The following AGBL1 variants were observed in gnomAD, a reference collection of about 807,000 sequenced individuals.
AGBL1 encodes the protein cytosolic carboxypeptidase 4.
AGBL1 carries 130 observed loss-of-function variants against 118.9 expected under a neutral mutation model. That is an observed-to-expected ratio of 1.09 (90% CI 0.95 to 1.26). The LOEUF is 1.26. AGBL1 is among the 50% of genes most tolerant of loss of function. The pLI is 0.00. For synonymous variants in AGBL1, 555 were observed against 478.9 expected (o/e 1.16, Z -2.08); for missense variants, 1,584 against 1,298.1 (o/e 1.22, Z -3.38).
chr15:86,253,995 T>A (rs1007107391), intron 7 of AGBL1, among the ~76,000 whole-genome samples: 4 of 151,876 alleles, frequency 2.6e-5, no homozygotes, highest in Non-Finnish European at 5.9e-5. Flanking sequence ...GGAATTAGAG[T>A]GTTGATAGGA....
rs1426314399 is a variant in AGBL1, at chr15:86,879,303, TG to T, written c.3159-27780del. Among the ~76,000 whole-genome samples the T allele has an allele frequency of 7.2e-5, 11 of 152,190 alleles. No individual in the cohort carries two copies. In the East Asian group the frequency reaches 1.4e-3, roughly 19 times the overall value. On this transcript the variant is annotated intron_variant, in intron 22 of 22. Coordinates refer to ENST00000614907, the MANE Select transcript of AGBL1 (RefSeq NM_001386094.1). ...GTAAGTGTCTGACTTCACAAGCCCC[TG>T]GGGCAGCAGCTCCTCTGATGGTTAT... is the stretch of plus-strand genomic sequence containing the variant.
intron 17 of AGBL1, among the ~76,000 whole-genome samples, chr15:86,336,668 A>T (rs187111402): frequency 5.3e-5 from 8 of 152,322 alleles, no homozygotes; most frequent in African/African-American, 1.7e-4. Flanking sequence ...CATAATTTAT[A>T]CCAAGATGGG....
intron 17 of AGBL1, among the ~76,000 whole-genome samples, chr15:86,365,042 T>TATAC (rs564321350): frequency 0.014 from 1,608 of 112,408 alleles, 74 homozygotes; most frequent in African/African-American, 0.054. Flanking sequence ...CACATATATA[T>TATAC]ACACACATAT....
intron 22 of AGBL1, among the ~76,000 whole-genome samples, chr15:86,838,447 G>A (rs191142081): frequency 6.6e-6 from 1 of 152,070 alleles, no homozygotes; most frequent in African/African-American, 2.4e-5. Context: ...TCGTATTTCT[G>A]CTGCTGCAAG....
At chr15:86,676,662 T>A (rs1364988562) in intron 22 of AGBL1, among the ~76,000 whole-genome samples, 1 of 152,158 alleles carries the variant, frequency 6.6e-6, no homozygotes, top group African/African-American at 2.4e-5. Flanking sequence ...AGAGGAGACC[T>A]CTACCACCCT....
intron 16 of AGBL1, among the ~76,000 whole-genome samples, chr15:86,293,691 T>A (rs1162280865): frequency 6.6e-6 from 1 of 152,228 alleles, no homozygotes; most frequent in Non-Finnish European, 1.5e-5. Context: ...ATATCTGTAG[T>A]AAGTTATTTC....
intron 18 of AGBL1, among the ~76,000 whole-genome samples, chr15:86,474,262 C>T (rs773015512): frequency 1.6e-4 from 24 of 152,222 alleles, no homozygotes; most frequent in South Asian, 8.3e-4. Context: ...GAGTGTCAGC[C>T]GAAGAAGGGC....
intron 17 of AGBL1, among the ~76,000 whole-genome samples, chr15:86,349,850 C>T (rs983950727): frequency 6.6e-6 from 1 of 152,152 alleles, no homozygotes; most frequent in African/African-American, 2.4e-5. Context: ...GAAAGAGAAG[C>T]GTTCAATTTA....
At chr15:86,843,465 G>C (rs1206811712) in intron 22 of AGBL1, among the ~76,000 whole-genome samples, 1 of 152,132 alleles carries the variant, frequency 6.6e-6, no homozygotes, top group Non-Finnish European at 1.5e-5. Context: ...TTTGGGGTAA[G>C]GCTATTTAAT....
chr15:86,194,273 C>T (rs1021714856), intron 5 of AGBL1, among the ~76,000 whole-genome samples: 1 of 152,190 alleles, frequency 6.6e-6, no homozygotes, highest in Non-Finnish European at 1.5e-5. Context: ...CCTTAATCAT[C>T]TTCCTCAGTG....
intron 5 of AGBL1, among the ~76,000 whole-genome samples, chr15:86,182,823 A>C (rs2077572270): frequency 6.6e-6 from 1 of 152,178 alleles, no homozygotes; most frequent in South Asian, 2.1e-4. Flanking sequence ...AGCAAAAGGA[A>C]ACCCTAGTAG....
intron 22 of AGBL1, among the ~76,000 whole-genome samples, chr15:86,778,323 A>T (rs1373559111): frequency 6.6e-6 from 1 of 152,130 alleles, no homozygotes; most frequent in East Asian, 1.9e-4. Flanking sequence ...CATTGATAAC[A>T]TCTTATCAGG....
chr15:86,194,769 G>T (rs1315873337), intron 5 of AGBL1, among the ~76,000 whole-genome samples: 1 of 152,210 alleles, frequency 6.6e-6, no homozygotes, highest in Non-Finnish European at 1.5e-5. Flanking sequence ...AGGAGTGCCA[G>T]AGTCTGAAAA....
chr15:86,474,256 G>T (rs944646361), intron 18 of AGBL1, among the ~76,000 whole-genome samples: 1 of 152,166 alleles, frequency 6.6e-6, no homozygotes, highest in Non-Finnish European at 1.5e-5. Context: ...CCAACTGAGT[G>T]TCAGCCGAAG....
chr15:86,660,552 A>G (rs1002850344), intron 21 of AGBL1, among the ~76,000 whole-genome samples: 1 of 152,036 alleles, frequency 6.6e-6, no homozygotes, highest in Non-Finnish European at 1.5e-5. Flanking sequence ...CTAATCCAAT[A>G]TAGTCAACAC....
intron 17 of AGBL1, among the ~76,000 whole-genome samples, chr15:86,322,755 A>T (rs1004611719): frequency 6.6e-6 from 1 of 152,218 alleles, no homozygotes; most frequent in African/African-American, 2.4e-5. Context: ...TATTTACTTC[A>T]TGACTATCAA....
At chr15:86,788,581 C>T (rs1384809223) in intron 22 of AGBL1, among the ~76,000 whole-genome samples, 1 of 152,046 alleles carries the variant, frequency 6.6e-6, no homozygotes, top group Admixed American at 6.6e-5. Context: ...CCTCCTGGAG[C>T]ATATATTTTA....
intron 18 of AGBL1, among the ~76,000 whole-genome samples, chr15:86,459,434 C>T (rs2082302344): frequency 6.6e-6 from 1 of 152,092 alleles, no homozygotes; most frequent in African/African-American, 2.4e-5. Flanking sequence ...CTAGTTTCAG[C>T]TTGCCTAAAA....
At chr15:86,319,547 A>G (rs770014000) in intron 17 of AGBL1, among the ~76,000 whole-genome samples, 1 of 151,958 alleles carries the variant, frequency 6.6e-6, no homozygotes, top group African/African-American at 2.4e-5. Flanking sequence ...CCTTCTGGCC[A>G]CTGAGGTGTA....
Sources: gnomAD v4.1 joint callset for allele counts (sites outside exome capture counted in the v4.1 genomes callset) on GRCh38, gnomAD v4.1.1 for gene constraint, MANE v1.5 for transcripts, NCBI Gene and HGNC (gene_info 2026-07-23, HGNC 2026-07-21) for gene names.